RASAL2: variants seen among roughly 807,000 people sequenced by gnomAD.
RASAL2 encodes the protein ras GTPase-activating protein nGAP.
Under a neutral mutation model 128.9 loss-of-function variants are expected in RASAL2, and 58 were observed. The observed-to-expected ratio is 0.45, with a 90% confidence interval of 0.36 to 0.56. The LOEUF (loss-of-function observed/expected upper bound fraction) is 0.56. RASAL2 is among the 20% of genes least tolerant of loss of function. The probability of loss-of-function intolerance (pLI) is 0.00; values close to 1 mark genes in which losing one functional copy is unlikely to be tolerated. For synonymous variants in RASAL2, 561 were observed against 580.8 expected, an observed-to-expected ratio of 0.97 and a Z score of 0.49; for missense variants, 1,360 against 1,601.6, an observed-to-expected ratio of 0.85 and a Z score of 2.57.
rs745926945 is a variant in RASAL2, at chr1:178,239,965, AT to A, written c.203-43593del. Among the ~76,000 whole-genome samples the A allele has an allele frequency of 3.3e-5, 5 of 152,156 alleles. No individual in the cohort carries two copies. In the South Asian group the frequency reaches 1.0e-3, roughly 32 times the overall value. ...TTTATTTAAAATTTTTATTTTATAAATTTTTTAACATTGTGGTGCCTTGCTA... is the reference window on the plus strand; with the variant it reads ...TTTATTTAAAATTTTTATTTTATAAATTTTTAACATTGTGGTGCCTTGCTA... On this transcript the variant is annotated intron_variant, in intron 1 of 17. Coordinates refer to ENST00000367649, the MANE Select transcript of RASAL2 (RefSeq NM_170692.4).
At position 178,217,903 on chromosome 1, in the gene RASAL2, CCCA is replaced by C. The variant is rs1663477377; in HGVS notation, c.203-65659_203-65657del. Among the ~76,000 whole-genome samples the C allele has an allele frequency of 2.0e-5, 3 of 151,720 alleles. No individual in the cohort carries two copies. In the East Asian group the frequency reaches 5.8e-4, roughly 29 times the overall value. ...TGCAGTACTGTTTGATAGCATTGTACCCACAGAATTTCTTTCCAAACTGGAGTC... is the reference window on the plus strand; with the variant it reads ...TGCAGTACTGTTTGATAGCATTGTACCAGAATTTCTTTCCAAACTGGAGTC... On this transcript the variant is annotated intron_variant, in intron 1 of 17. Transcript: ENST00000367649.
intron 1 of RASAL2, among the ~76,000 whole-genome samples, chr1:178,156,831 CATT>C (rs1277343906): frequency 6.6e-6 from 1 of 152,112 alleles, no homozygotes; most frequent in East Asian, 1.9e-4. Context: ...ACATAATACT[CATT>C]AAAATAGAAG....
At chr1:178,387,548 C>G (rs555615080) in intron 3 of RASAL2, among the ~76,000 whole-genome samples, 1 of 151,850 alleles carries the variant, frequency 6.6e-6, no homozygotes, top group East Asian at 1.9e-4. Flanking sequence ...CAACAGTCCC[C>G]GGAGTGTGAT....
At chr1:178,443,741 C>G (rs150412489) in intron 8 of RASAL2, among the ~76,000 whole-genome samples, 56 of 152,222 alleles carry the variant, frequency 3.7e-4, no homozygotes, top group African/African-American at 1.2e-3. Flanking sequence ...GTAGCTGTTT[C>G]ATGATACACT....
At chr1:178,367,416 C>G (rs1456368849) in intron 3 of RASAL2, among the ~76,000 whole-genome samples, 1 of 152,108 alleles carries the variant, frequency 6.6e-6, no homozygotes, top group Admixed American at 6.6e-5. Flanking sequence ...TTTTGCTTTA[C>G]TCTTCTCCTT....
At chr1:178,228,908 T>G (rs957282869) in intron 1 of RASAL2, among the ~76,000 whole-genome samples, 6 of 152,194 alleles carry the variant, frequency 3.9e-5, no homozygotes, top group African/African-American at 1.4e-4. Flanking sequence ...ACAGTATTAA[T>G]TATAAAAATC....
intron 14 of RASAL2, among the ~76,000 whole-genome samples, chr1:178,461,634 A>G (rs150608972): frequency 5.0e-4 from 76 of 152,322 alleles, no homozygotes; most frequent in African/African-American, 1.3e-3. Context: ...GAATTTGAAG[A>G]GACCTTTTAA....
intron 1 of RASAL2, among the ~76,000 whole-genome samples, chr1:178,279,474 C>T (rs1393618541): frequency 6.6e-6 from 1 of 152,140 alleles, no homozygotes; most frequent in Non-Finnish European, 1.5e-5. Flanking sequence ...GGTCTTTCCC[C>T]CACTTTCTTC....
At position 178,268,070 on chromosome 1, in the gene RASAL2, ACC is replaced by A. The variant is rs565427460; in HGVS notation, c.203-15492_203-15491del. The stretch of plus-strand genomic sequence containing the variant: ...GTCTAGGCCAGGCATAGTGGTTCAC[ACC>A]CATAATCCTAGCAGTTGTGGAAAGG... On this transcript the variant is annotated intron_variant, in intron 1 of 17. Transcript: ENST00000367649. 4.6e-5 allele frequency among the ~76,000 whole-genome samples: 7 copies of A among 151,604 alleles called. No individual in the cohort carries two copies. The South Asian group carries it at 1.5e-3, about 32-fold the overall frequency.
intron 3 of RASAL2, among the ~76,000 whole-genome samples, chr1:178,376,612 G>A (rs1434110903): frequency 6.6e-6 from 1 of 152,064 alleles, no homozygotes; most frequent in African/African-American, 2.4e-5. Flanking sequence ...GGGAAGATGG[G>A]GAGATAACAG....
intron 1 of RASAL2, among the ~76,000 whole-genome samples, chr1:178,101,986 T>C (rs1658916784): frequency 6.6e-6 from 1 of 151,996 alleles, no homozygotes; most frequent in African/African-American, 2.4e-5. Flanking sequence ...AATAATTTCA[T>C]AGTAATCCTT....
chr1:178,245,228 G>A (rs1418624020), intron 1 of RASAL2, among the ~76,000 whole-genome samples: 7 of 152,100 alleles, frequency 4.6e-5, no homozygotes, highest in Admixed American at 3.9e-4. Flanking sequence ...CCGCATCCTC[G>A]CCAGCATCTG....
At chr1:178,312,453 C>G (rs1292895400) in intron 3 of RASAL2, among the ~76,000 whole-genome samples, 1 of 152,088 alleles carries the variant, frequency 6.6e-6, no homozygotes, top group Non-Finnish European at 1.5e-5. Flanking sequence ...AACTATTAGT[C>G]AAATTTGAGA....
intron 14 of RASAL2, among the ~76,000 whole-genome samples, chr1:178,460,370 T>A (rs1354774224): frequency 6.6e-6 from 1 of 152,192 alleles, no homozygotes; most frequent in Non-Finnish European, 1.5e-5. Flanking sequence ...GGCTGGTTGT[T>A]TATTAATATT....
intron 3 of RASAL2, among the ~76,000 whole-genome samples, chr1:178,355,056 C>G (rs1000248424): frequency 2.6e-5 from 4 of 152,120 alleles, no homozygotes; most frequent in East Asian, 1.9e-4. Context: ...GCCAGGAATT[C>G]TAGATTGCAG....
At chr1:178,190,599 G>A (rs573327875) in intron 1 of RASAL2, among the ~76,000 whole-genome samples, 2 of 152,072 alleles carry the variant, frequency 1.3e-5, no homozygotes, top group Non-Finnish European at 2.9e-5. Flanking sequence ...AATAAACTAC[G>A]TGCAAAGTAA....
intron 1 of RASAL2, among the ~76,000 whole-genome samples, chr1:178,189,034 C>T (rs1002433168): frequency 8.6e-5 from 13 of 152,040 alleles, no homozygotes; most frequent in Admixed American, 6.6e-4. Context: ...TATTGTGGTT[C>T]GCTTCAAATG....
chr1:178,164,012 T>C (rs1177566661), intron 1 of RASAL2, among the ~76,000 whole-genome samples: 1 of 152,192 alleles, frequency 6.6e-6, no homozygotes, highest in East Asian at 1.9e-4. Flanking sequence ...TTCATTTTCC[T>C]GTTTTTGTTT....
chr1:178,208,605 CT>C (rs1349187093), intron 1 of RASAL2, among the ~76,000 whole-genome samples: 2 of 152,190 alleles, frequency 1.3e-5, no homozygotes, highest in African/African-American at 4.8e-5. Context: ...AGTAGTTCTG[CT>C]TTTGCCCTTT....
Sources: gnomAD v4.1 joint callset for allele counts (sites outside exome capture counted in the v4.1 genomes callset) on GRCh38, gnomAD v4.1.1 for gene constraint, MANE v1.5 for transcripts, NCBI Gene and HGNC (gene_info 2026-07-23, HGNC 2026-07-21) for gene names.